Variants in PPP4R2 observed in about 807,000 individuals in gnomAD.
PPP4R2 encodes the protein protein phosphatase 4 regulatory subunit 2.
PPP4R2 carries 13 observed loss-of-function variants against 47.2 expected under a neutral mutation model. That is an observed-to-expected ratio of 0.28 (90% CI 0.18 to 0.44). The LOEUF (loss-of-function observed/expected upper bound fraction) is 0.44. Ranked by LOEUF, PPP4R2 falls within the 20% of genes least tolerant of loss-of-function variation. PPP4R2 has a pLI of 1.00. For missense variants in PPP4R2, 421 were observed against 491.2 expected (o/e 0.86, Z 1.35); for synonymous variants, 151 against 163.3 (o/e 0.92, Z 0.57).
At chr3:73,065,172 G>T in intron 8 of PPP4R2, 31 bp downstream of exon 8, 1 of 1,547,776 alleles carries the variant, frequency 6.5e-7, no homozygotes, top group South Asian at 1.2e-5. Flanking sequence ...AAAGGGTGGA[G>T]TAAGGAGATC....
At chr3:73,039,543 A>C (rs1274308186) in intron 2 of PPP4R2, among the ~76,000 whole-genome samples, 1 of 152,198 alleles carries the variant, frequency 6.6e-6, no homozygotes, top group African/African-American at 2.4e-5. Context: ...AAGACAGATA[A>C]TTTTAGAGAG....
intron 2 of PPP4R2, among the ~76,000 whole-genome samples, chr3:73,042,953 C>G (rs894756230): frequency 1.2e-4 from 19 of 152,034 alleles, no homozygotes; most frequent in Non-Finnish European, 2.5e-4. Context: ...TTTCCATTAC[C>G]TGGGATCCCA....
At chr3:73,039,618 T>C (rs1307016416) in intron 2 of PPP4R2, among the ~76,000 whole-genome samples, 1 of 152,198 alleles carries the variant, frequency 6.6e-6, no homozygotes, top group Non-Finnish European at 1.5e-5. Flanking sequence ...CATTTGATAA[T>C]GTTGGGAGAC....
rs1553646882 is a variant in PPP4R2, at chr3:73,021,880, GTA to G, written c.116+23728_116+23729del. ...TGTGTGTGTGTGTGTGTGTGTGTGT[GTA>G]TATATGCATATATATATATTTTTTT... On this transcript the variant is annotated intron_variant, in intron 2 of 8. Coordinates refer to ENST00000356692, the MANE Select transcript of PPP4R2 (RefSeq NM_174907.4). Among the ~76,000 whole-genome samples the G allele has an allele frequency of 1.6e-3, 223 of 135,362 alleles. 4 individuals are homozygous for G. The South Asian group carries it at 0.022, about 13-fold the overall frequency. The allele number at this position is 135,362 out of a possible 152,430, so 88.8% of individuals were successfully genotyped here.
At chr3:73,048,090 T>A (rs972294118) in intron 3 of PPP4R2, among the ~76,000 whole-genome samples, 5 of 152,150 alleles carry the variant, frequency 3.3e-5, no homozygotes, top group Admixed American at 2.6e-4. Context: ...TTAGCCAGGA[T>A]GGTCTCGATC....
intron 2 of PPP4R2, among the ~76,000 whole-genome samples, chr3:73,009,750 C>G (rs76220905): frequency 1.3e-5 from 2 of 152,120 alleles, no homozygotes; most frequent in African/African-American, 4.8e-5. Flanking sequence ...AAAACTGAAT[C>G]GCTGACTAAA....
chr3:73,036,581 G>A (rs574215534), intron 2 of PPP4R2, among the ~76,000 whole-genome samples: 2 of 152,324 alleles, frequency 1.3e-5, no homozygotes, highest in South Asian at 4.1e-4. Context: ...TTCCCAGGAA[G>A]CGTTAATTCA....
intron 2 of PPP4R2, among the ~76,000 whole-genome samples, chr3:73,000,323 G>A (rs1297003810): frequency 1.3e-5 from 2 of 152,128 alleles, no homozygotes; most frequent in African/African-American, 4.8e-5. Flanking sequence ...GAGTGACAGA[G>A]TGAGACTCTG....
chr3:73,032,936 C>G (rs1341895650), intron 2 of PPP4R2, among the ~76,000 whole-genome samples: 1 of 151,974 alleles, frequency 6.6e-6, no homozygotes, highest in African/African-American at 2.4e-5. Flanking sequence ...CTTGTTGAGC[C>G]TTCTTAACTG....
chr3:73,001,481 G>A (rs958307773), intron 2 of PPP4R2, among the ~76,000 whole-genome samples: 6 of 126,864 alleles, frequency 4.7e-5, no homozygotes, highest in Non-Finnish European at 8.8e-5. Context: ...GGAGGAGGTA[G>A]GAGGATCACC....
intron 3 of PPP4R2, among the ~76,000 whole-genome samples, chr3:73,055,177 C>T (rs1250027717): frequency 6.6e-6 from 1 of 152,100 alleles, no homozygotes; most frequent in Admixed American, 6.6e-5. Flanking sequence ...TGTGTGCCTT[C>T]CCACAATCTC....
At chr3:73,057,071 G>C (rs1410059869) in intron 3 of PPP4R2, among the ~76,000 whole-genome samples, 2 of 152,058 alleles carry the variant, frequency 1.3e-5, no homozygotes, top group African/African-American at 4.8e-5. Flanking sequence ...AATAGCTTAG[G>C]TGTGTTGTGT....
chr3:73,064,011 T>C lies in PPP4R2; in HGVS notation c.503T>C (p.Ile168Thr), dbSNP rs773342213. 8 of 1,592,838 alleles carry C rather than the reference T, an allele frequency of 5.0e-6. No individual in the cohort carries two copies. Among genetic ancestry groups the C allele is most frequent in the African/African-American group, 1.4e-5 (1 of 73,318 alleles). Residue 168 changes from isoleucine (I) to threonine (T), a missense_variant, in exon 7 of 9, where the codon ATA (isoleucine) becomes ACA (threonine). By Grantham distance (89) the Ile-to-Thr change is moderately conservative. Transcript: ENST00000356692. ...CATTTATCTTATTATAGGTCTAATA[T>C]AAATGGGCCTGGGACACCCAGGCCA... is the stretch of plus-strand genomic sequence containing the variant. ...NSPSYTERSN[I>T]NGPGTPRPLN...
intron 2 of PPP4R2, among the ~76,000 whole-genome samples, chr3:73,011,374 G>A (rs967381295): frequency 1.3e-5 from 2 of 152,150 alleles, no homozygotes; most frequent in African/African-American, 4.8e-5. Context: ...GCAGCTGCTC[G>A]GGAGGCTGAG....
intron 2 of PPP4R2, among the ~76,000 whole-genome samples, chr3:73,010,736 C>T (rs770730008): frequency 1.3e-5 from 2 of 152,056 alleles, no homozygotes; most frequent in Non-Finnish European, 2.9e-5. Flanking sequence ...ATTTTTAGTA[C>T]ACCATGTTGG....
chr3:73,052,043 A>C (rs754720996), intron 3 of PPP4R2, among the ~76,000 whole-genome samples: 1 of 152,222 alleles, frequency 6.6e-6, no homozygotes, highest in Non-Finnish European at 1.5e-5. Flanking sequence ...AAGGCCTAGA[A>C]GAGTGAGTGC....
Position 73,059,078 on chromosome 3 carries a change from A to G in PPP4R2, c.329A>G (p.Asp110Gly). 1 of 1,594,602 alleles carries G rather than the reference A, an allele frequency of 6.3e-7. No homozygotes were observed. Among genetic ancestry groups the G allele is most frequent in the East Asian group, 2.2e-5 (1 of 44,568 alleles). The change falls in exon 4 of 9, where the codon GAT (aspartate) becomes GGT (glycine). Residue 110 changes from aspartate (D) to glycine (G), a missense_variant. Asp to Gly is a moderately conservative substitution (Grantham distance 94). Transcript: ENST00000356692. ...CAGCGACTATGTGAATTGTTAACAG[A>G]TCCAAGGAGAAACTATACAGGAACA... ...TIQRLCELLT[D>G]PRRNYTGTDK... is the part of the protein sequence containing the mutation.
chr3:73,060,280 A>G (rs759160179), intron 4 of PPP4R2, among the ~76,000 whole-genome samples: 1 of 152,202 alleles, frequency 6.6e-6, no homozygotes, highest in Non-Finnish European at 1.5e-5. Flanking sequence ...GGAAACTGAG[A>G]TGGCTCATCA....
At chr3:73,039,458 C>T (rs1454619141) in intron 2 of PPP4R2, among the ~76,000 whole-genome samples, 1 of 152,140 alleles carries the variant, frequency 6.6e-6, no homozygotes, top group Admixed American at 6.6e-5. Context: ...GCAGTCAGTA[C>T]AAAATGAGAA....
Sources: gnomAD v4.1 joint callset for allele counts (sites outside exome capture counted in the v4.1 genomes callset) on GRCh38, gnomAD v4.1.1 for gene constraint, MANE v1.5 for transcripts, NCBI Gene and HGNC (gene_info 2026-07-23, HGNC 2026-07-21) for gene names.